NEB: variants seen among roughly 807,000 people sequenced by gnomAD.
NEB encodes the protein nemaline myopathy type 2.
A neutral mutation model predicts 952.2 loss-of-function variants in NEB; 512 were observed. That is an observed-to-expected ratio of 0.54 (90% CI 0.50 to 0.58). The LOEUF (loss-of-function observed/expected upper bound fraction) is 0.58. Among genes scored for constraint, NEB ranks in the 20% least tolerant of loss-of-function variants. The pLI is 0.00. For missense variants in NEB, 8,428 were observed against 9,231.1 expected (o/e 0.91, Z 3.56); for synonymous variants, 2,900 against 3,149.8 (o/e 0.92, Z 2.66).
chr2:151,640,859 A>G (rs780174860), intron 60 of NEB, among the ~76,000 whole-genome samples, 193 bp from the exon 61 acceptor site: 19 of 151,986 alleles, frequency 1.3e-4, no homozygotes, highest in Non-Finnish European at 2.5e-4. Flanking sequence ...TATATAAAAT[A>G]TATACCATAT....
At position 151,729,656 on chromosome 2, in the gene NEB, A is replaced by G. The variant is rs1347004993; in HGVS notation, c.37T>C (p.Tyr13His). The stretch of plus-strand genomic sequence containing the variant: ...TCGTAAACCACTTCTTCTGTGTAGT[A>G]CTGTAAATAGAGCACAAAGGCATTG... ...DDEDYEEVVE[Y>H]YTEEVVYEEV... Residue 13 changes from tyrosine (Y) to histidine (H), a missense_variant and splice_region_variant, in exon 4 of 182, where the codon TAC becomes CAC. Tyr to His is a moderately conservative substitution (Grantham distance 83). Transcript: ENST00000397345. 6.2e-7 allele frequency: 1 copy of G among 1,613,186 alleles called. No individual in the cohort carries two copies. Among genetic ancestry groups the G allele is most frequent in the Admixed American group, 1.7e-5 (1 of 59,948 alleles).
intron 52 of NEB, among the ~76,000 whole-genome samples, chr2:151,651,669 C>T (rs980374640): frequency 6.6e-6 from 1 of 152,054 alleles, no homozygotes; most frequent in Non-Finnish European, 1.5e-5. Context: ...AGAAAAATCA[C>T]ATTAGTACTA....
chr2:151,526,962 T>G lies in NEB; in HGVS notation c.21901A>C (p.Lys7301Gln), dbSNP rs746252441. The change falls in exon 148 of 182, where the codon AAA (lysine) becomes CAA (glutamine). Residue 7301 changes from lysine (K) to glutamine (Q), a missense_variant. Coordinates refer to ENST00000397345, the MANE Select transcript of NEB (RefSeq NM_001164508.2). ...KGCKLSVTDDKNTVLALRNTL... is the reference protein window; with the variant it reads ...KGCKLSVTDDQNTVLALRNTL... Reference sequence around the variant, plus strand: ...TTCCTGAGGGCGAGCACCGTGTTTTTGTCATCAGTGACAGAAAGCTTGCAA... The same window carrying G: ...TTCCTGAGGGCGAGCACCGTGTTTTGGTCATCAGTGACAGAAAGCTTGCAA... The G allele has an allele frequency of 6.2e-7, 1 of 1,604,590 alleles. No homozygotes were observed. Among genetic ancestry groups the G allele is most frequent in the Admixed American group, 1.7e-5 (1 of 59,090 alleles).
intron 63 of NEB, among the ~76,000 whole-genome samples, chr2:151,637,262 T>C (rs931453221): frequency 6.6e-6 from 1 of 152,156 alleles, no homozygotes; most frequent in Non-Finnish European, 1.5e-5. Flanking sequence ...GGGTGACCTT[T>C]GAGTTAGACT....
chr2:151,687,482 G>A lies in NEB; in HGVS notation c.2574C>T (p.Ala858=), dbSNP rs1559253457. The A allele has an allele frequency of 6.2e-7, 1 of 1,613,934 alleles. No individual in the cohort carries two copies. Among genetic ancestry groups the A allele is most frequent in the Non-Finnish European group, 8.5e-7 (1 of 1,179,866 alleles). Residue 858 remains alanine, a synonymous_variant, in exon 27 of 182, where the codon GCC becomes GCT. Transcript: ENST00000397345. ...YEKSKGKMIG[A]LSINDDPKML... ...TCTTTGGATCGTCATTAATGCTGAG[G>A]GCTCCAATCATTTTCCCTTTGCTCT...
chr2:151,690,315 G>A (rs1361093377), intron 24 of NEB: 1 of 196,304 alleles, frequency 5.1e-6, no homozygotes, highest in African/African-American at 2.4e-5. Context: ...ATCACTGTTT[G>A]ATGTCTGTCT....
At position 151,679,889 on chromosome 2, in the gene NEB, C is replaced by T. The variant is rs375116982; in HGVS notation, c.3147+29G>A. The T allele has an allele frequency of 3.4e-5, 55 of 1,605,434 alleles. No homozygotes were observed. In the South Asian group the frequency reaches 5.2e-4, roughly 15 times the overall value. ...ACTGTGTTAGTAAAGTCTGGACATACGCATCAGCCCGTGAGTCCACCCACG... is the reference window on the plus strand; with the variant it reads ...ACTGTGTTAGTAAAGTCTGGACATATGCATCAGCCCGTGAGTCCACCCACG... On this transcript the variant is annotated intron_variant, in intron 31 of 181. Coordinates refer to ENST00000397345, the MANE Select transcript of NEB (RefSeq NM_001164508.2).
At chr2:151,524,167 G>A (rs534043031) in intron 153 of NEB, 144 bp downstream of exon 153, 2 of 676,276 alleles carry the variant, frequency 3.0e-6, no homozygotes, top group South Asian at 1.9e-5. Flanking sequence ...GGCCCTCAGT[G>A]CACTTTTTAT....
intron 70 of NEB, among the ~76,000 whole-genome samples, chr2:151,626,173 G>C (rs2098521051): frequency 6.6e-6 from 1 of 151,212 alleles, no homozygotes; most frequent in Admixed American, 6.6e-5. Context: ...GAATGTAGTG[G>C]TACAGTCACA....
chr2:151,498,242 C>CCTTT lies in NEB; in HGVS notation c.24207+14_24207+17dup, dbSNP rs1367661109. ...TCTGAAGTTAAGTGGCATTTTTTCC[C>CCTTT]CTTTCTTTCCAAAATACCGAGCTAA... On this transcript the variant is annotated intron_variant, in intron 170 of 181. Coordinates refer to ENST00000397345, the MANE Select transcript of NEB (RefSeq NM_001164508.2). 1.9e-6 allele frequency: 3 copies of CCTTT among 1,550,588 alleles called. No individual in the cohort carries two copies. The highest frequency in any genetic ancestry group is 1.4e-5 in the African/African-American group (1 of 72,944).
In NEB at chr2:151,669,078, AG is replaced by A; in HGVS notation, c.4559del (p.Pro1520LeufsTer16). On this transcript the variant is annotated frameshift_variant, in exon 39 of 182. Coordinates refer to ENST00000397345, the MANE Select transcript of NEB (RefSeq NM_001164508.2). LOFTEE classifies it high-confidence loss of function. Reference sequence around the variant, plus strand: ...TGGCTTGAATAAACTGAGGCAATTCAGGGTCAATAGTATACTTGTGCTTCAG... The same window carrying A: ...TGGCTTGAATAAACTGAGGCAATTCAGGTCAATAGTATACTTGTGCTTCAG... ...EKLKHKYTID[P>X]ELPQFIQAKV... The A allele has an allele frequency of 6.3e-7, 1 of 1,595,668 alleles. No homozygotes were observed.
chr2:151,569,146 A>T, intron 110 of NEB, 122 bp downstream of exon 110: 1 of 774,712 alleles, frequency 1.3e-6, no homozygotes, highest in Non-Finnish European at 2.2e-6. Flanking sequence ...ATATATGCTC[A>T]GTTTAAATCA....
At chr2:151,653,007 A>T (rs114844916) in intron 52 of NEB, among the ~76,000 whole-genome samples, 5,186 of 152,292 alleles carry the variant, frequency 0.034, 120 homozygotes, top group Non-Finnish European at 0.054. Context: ...ATATCATCAT[A>T]TTAATTTTCC....
In NEB at chr2:151,565,576, G is replaced by A. The variant is rs1302332151; in HGVS notation, c.18291C>T (p.Asn6097=). Residue 6097 remains asparagine (N), a synonymous_variant, in exon 116 of 182, where the codon AAC becomes AAT. Transcript: ENST00000397345. ...QIKYKKNALE[N]YPNFRSVVDP... ...CCACCACACTTCTAAAGTTAGGATA[G>A]TTTTCAAGGGCATTTTTCTTATATT... 1 of 1,597,964 alleles carries A rather than the reference G, an allele frequency of 6.3e-7. No individual in the cohort carries two copies.
At chr2:151,724,455 T>G in intron 7 of NEB, 91 bp from the exon 8 acceptor site, 10 of 950,116 alleles carry the variant, frequency 1.1e-5, no homozygotes, top group Non-Finnish European at 1.7e-5. Context: ...GAAGGCATGC[T>G]TGCTCAGAGG....
chr2:151,727,634 G>C (rs1190442449), intron 5 of NEB, 57 bp downstream of exon 5: 3 of 1,511,352 alleles, frequency 2.0e-6, no homozygotes, highest in Non-Finnish European at 2.7e-6. Flanking sequence ...AGAGTGAGTT[G>C]AGATAAGTAA....
At chr2:151,636,059 T>A (rs2098757567) in intron 64 of NEB, among the ~76,000 whole-genome samples, 168 bp downstream of exon 64, 1 of 152,222 alleles carries the variant, frequency 6.6e-6, no homozygotes, top group Non-Finnish European at 1.5e-5. Flanking sequence ...ATCCCTCTTA[T>A]AAACATCAAG....
chr2:151,634,019 A>G, intron 64 of NEB, 54 bp from the exon 65 acceptor site: 3 of 1,550,832 alleles, frequency 1.9e-6, no homozygotes, highest in South Asian at 1.2e-5. Flanking sequence ...AGAGGCCACA[A>G]GTCTGTGCAA....
chr2:151,548,416 C>T lies in NEB; in HGVS notation c.20050-1G>A. ...GTTCATAGGCTTCTTTGTACTTGAA[C>T]TGCAAAAGCAAAGTCAGAATGAGAT... On this transcript the variant is annotated splice_acceptor_variant, in intron 130 of 181. Coordinates refer to ENST00000397345, the MANE Select transcript of NEB (RefSeq NM_001164508.2). LOFTEE classifies it high-confidence loss of function. The T allele has an allele frequency of 6.3e-7, 1 of 1,598,506 alleles. No homozygotes were observed. Among genetic ancestry groups the T allele is most frequent in the South Asian group, 1.1e-5 (1 of 90,722 alleles).
Sources: allele counts gnomAD v4.1 joint callset (sites outside exome capture counted in the v4.1 genomes callset), GRCh38; gene constraint gnomAD v4.1.1; transcripts MANE v1.5; gene names NCBI Gene and HGNC (gene_info 2026-07-23, HGNC 2026-07-21).